Variants in LAMC2 observed in about 807,000 individuals in gnomAD.
LAMC2 encodes laminin subunit gamma-2.
A neutral mutation model predicts 140.2 loss-of-function variants in LAMC2; 97 were observed. That is an observed-to-expected ratio of 0.69 (90% CI 0.59 to 0.82). The LOEUF (loss-of-function observed/expected upper bound fraction) is 0.82, where lower values mean the gene tolerates loss of function less well. Ranked by LOEUF, LAMC2 falls within the 40% of genes least tolerant of loss-of-function variation. The pLI is 0.00. For synonymous variants in LAMC2, 513 were observed against 540.2 expected (o/e 0.95, Z 0.70); for missense variants, 1,402 against 1,476.1 (o/e 0.95, Z 0.82).
intron 1 of LAMC2, among the ~76,000 whole-genome samples, chr1:183,204,742 A>G (rs547809385): frequency 1.3e-5 from 2 of 152,362 alleles, no homozygotes; most frequent in Admixed American, 1.3e-4. Context: ...ACAAGTTTAT[A>G]TATTTTGAAA....
At chr1:183,256,817 T>G in the LAMC2 span, among the ~76,000 whole-genome samples, 1 of 152,182 alleles carries the variant, frequency 6.6e-6, no homozygotes. Flanking sequence ...CAGCGCATGA[T>G]CTCAGTTCAC....
Position 183,186,324 on chromosome 1 carries a change from A to G in LAMC2, c.-29A>G. On this transcript the variant is annotated 5_prime_UTR_variant, in exon 1 of 23. Coordinates refer to ENST00000264144, the MANE Select transcript of LAMC2 (RefSeq NM_005562.3). The stretch of plus-strand genomic sequence containing the variant: ...CGCCGGGCAGCGACCCCTGCAGCGG[A>G]GACAGAGACTGAGCGGCCCGGCCCC... 6.3e-7 allele frequency: 1 copy of G among 1,576,092 alleles called. No homozygotes were observed. Among genetic ancestry groups the G allele is most frequent in the Admixed American group, 1.8e-5 (1 of 55,676 alleles).
Position 183,207,971 on chromosome 1 carries a change from A to T in LAMC2, c.170A>T (p.Asn57Ile), listed in dbSNP as rs750878139. The T allele has an allele frequency of 6.2e-6, 10 of 1,614,068 alleles. 1 individual carries two copies. In the South Asian group the frequency reaches 7.7e-5, roughly 12 times the overall value. ...AATGGATTCCGCTGCCTCAACTGCA[A>T]TGACAACACTGATGGCATTCACTGC... is the stretch of plus-strand genomic sequence containing the variant. ...TGNGFRCLNC[N>I]DNTDGIHCEK... is the part of the protein sequence containing the mutation. Residue 57 changes from asparagine (N) to isoleucine (I), a missense_variant, in exon 2 of 23, where the codon AAT becomes ATT. Physicochemically the swap from Asn to Ile is moderately radical, Grantham distance 149. Transcript: ENST00000264144.
At position 183,238,431 on chromosome 1, in the gene LAMC2, T is replaced by A; in HGVS notation, c.2869+10T>A. 1 of 1,567,782 alleles carries A rather than the reference T, an allele frequency of 6.4e-7. No homozygotes were observed. The highest frequency in any genetic ancestry group is 8.8e-7 in the Non-Finnish European group (1 of 1,137,746). On this transcript the variant is annotated intron_variant, in intron 19 of 22. Coordinates refer to ENST00000264144, the MANE Select transcript of LAMC2 (RefSeq NM_005562.3). Reference sequence around the variant, plus strand: ...CTTAAAAACCTCAGAGGTTAGTACTTCATGGTTCAGGTCACTTGAGTATTT... The same window carrying A: ...CTTAAAAACCTCAGAGGTTAGTACTACATGGTTCAGGTCACTTGAGTATTT...
chr1:183,211,707 A>G (rs1164969876), intron 2 of LAMC2, among the ~76,000 whole-genome samples: 3 of 151,990 alleles, frequency 2.0e-5, no homozygotes, highest in Non-Finnish European at 2.9e-5. Context: ...GACAGGGTCT[A>G]TGTTGCCCAG....
At chr1:183,237,311 G>C (rs913193924) in intron 17 of LAMC2, 41 bp from the exon 18 acceptor site, 3 of 1,612,432 alleles carry the variant, frequency 1.9e-6, no homozygotes, top group Non-Finnish European at 2.5e-6. Flanking sequence ...GTGGTAACTG[G>C]TAAGCAGAAG....
At chr1:183,230,937 G>A (rs374566552) in intron 11 of LAMC2, 24 bp from the exon 12 acceptor site, 2 of 1,613,830 alleles carry the variant, frequency 1.2e-6, no homozygotes, top group East Asian at 2.2e-5. Context: ...TGATGTGAAT[G>A]CTCCATTTGT....
the LAMC2 span, chr1:183,252,608 G>A: frequency 2.2e-6 from 3 of 1,392,972 alleles, no homozygotes; most frequent in African/African-American, 2.8e-5. Flanking sequence ...CAAAGATGGA[G>A]GGGCCATTGT....
intron 19 of LAMC2, among the ~76,000 whole-genome samples, chr1:183,238,917 G>A (rs910928141): frequency 6.6e-6 from 1 of 152,160 alleles, no homozygotes; most frequent in Non-Finnish European, 1.5e-5. Flanking sequence ...GCCTCGCAGA[G>A]ATTTCATTAA....
chr1:183,252,623 C>T, the LAMC2 span: 1 of 1,569,022 alleles, frequency 6.4e-7, no homozygotes, highest in Non-Finnish European at 8.8e-7. Flanking sequence ...CATTGTGTTG[C>T]CGGAGGACGA....
rs762760253 is a variant in LAMC2, at chr1:183,228,600, C to T, written c.1695C>T (p.Asn565=). The change falls in exon 11 of 23, where the codon AAC becomes AAT. Residue 565 remains asparagine, a synonymous_variant. Transcript: ENST00000264144. This position sits in a 1 kb window ranked among gnomAD's most constrained non-coding sequence, Gnocchi z 4.3. ...ACTTCGGGGACCCATTGGCTCCCAA[C>T]CCAGCAGACAAGTGTCGAGGTAGGA... ...AGYFGDPLAP[N]PADKCRACNC... 1 of 1,614,076 alleles carries T rather than the reference C, an allele frequency of 6.2e-7. No individual in the cohort carries two copies.
chr1:183,190,658 T>C (rs1441383776), intron 1 of LAMC2, among the ~76,000 whole-genome samples: 1 of 152,170 alleles, frequency 6.6e-6, no homozygotes, highest in Non-Finnish European at 1.5e-5. Context: ...TATGAGAACA[T>C]TTAGCAATAC....
the LAMC2 span, among the ~76,000 whole-genome samples, chr1:183,258,792 C>A: frequency 6.6e-6 from 1 of 152,086 alleles, no homozygotes; most frequent in African/African-American, 2.4e-5. Flanking sequence ...TGCGGCCCCC[C>A]ACCCAGGAAC....
chr1:183,219,302 G>C (rs993620688), intron 4 of LAMC2, among the ~76,000 whole-genome samples: 8 of 152,200 alleles, frequency 5.3e-5, no homozygotes, highest in African/African-American at 1.7e-4. Context: ...TGGCTGCTGA[G>C]GTGAAGGCAG....
chr1:183,206,194 G>A (rs185888115), intron 1 of LAMC2, among the ~76,000 whole-genome samples: 1 of 152,306 alleles, frequency 6.6e-6, no homozygotes, highest in Admixed American at 6.5e-5. Context: ...ATGTTAAAAT[G>A]TTGTGAGAAT....
intron 13 of LAMC2, 62 bp from the exon 14 acceptor site, chr1:183,232,590 T>A (rs577232963): frequency 6.9e-7 from 1 of 1,448,914 alleles, no homozygotes; most frequent in East Asian, 2.3e-5. Flanking sequence ...CCCTCCGTTA[T>A]GTTTGCTAAC....
At position 183,239,568 on chromosome 1, in the gene LAMC2, A is replaced by G. The variant is rs1262237378; in HGVS notation, c.3069+5A>G. On this transcript the variant is annotated splice_donor_5th_base_variant and intron_variant, in intron 20 of 22. Coordinates refer to ENST00000264144, the MANE Select transcript of LAMC2 (RefSeq NM_005562.3). ...ATCTCCAGTGAGATTGAACAGGTAAAGAGAAATCGACATGTGTGTTGGTGC... is the reference window on the plus strand; with the variant it reads ...ATCTCCAGTGAGATTGAACAGGTAAGGAGAAATCGACATGTGTGTTGGTGC... 1 of 1,612,144 alleles carries G rather than the reference A, an allele frequency of 6.2e-7. No individual in the cohort carries two copies. The highest frequency in any genetic ancestry group is 8.5e-7 in the Non-Finnish European group (1 of 1,179,072).
At chr1:183,250,123 C>G (rs185734761), downstream of LAMC2, 25 of 152,356 alleles carry the variant, frequency 1.6e-4, no homozygotes, top group African/African-American at 5.3e-4. Context: ...AGTCCTTAAA[C>G]AAGCCATGTT....
At chr1:183,190,536 T>G (rs924968262) in intron 1 of LAMC2, among the ~76,000 whole-genome samples, 1 of 152,028 alleles carries the variant, frequency 6.6e-6, no homozygotes, top group African/African-American at 2.4e-5. Context: ...TCAGCAAATC[T>G]ATTGCTTCTC....
Sources: gnomAD v4.1 joint callset for allele counts (sites outside exome capture counted in the v4.1 genomes callset) on GRCh38, gnomAD v4.1.1 for gene constraint, Gnocchi (gnomAD v3.1) non-coding constraint, MANE v1.5 for transcripts, NCBI Gene and HGNC (gene_info 2026-07-23, HGNC 2026-07-21) for gene names.